The following PLD5 variants were observed in gnomAD, a reference collection of about 807,000 sequenced individuals.
The protein encoded by PLD5 is inactive phospholipase D5.
A neutral mutation model predicts 61.1 loss-of-function variants in PLD5; 36 were observed. The ratio of observed to expected loss-of-function variants is 0.59; its 90% CI spans 0.45 to 0.78. The LOEUF (loss-of-function observed/expected upper bound fraction) is 0.78. Ranked by LOEUF, PLD5 falls within the 30% of genes least tolerant of loss-of-function variation. PLD5 has a pLI of 0.00. For missense variants in PLD5, 515 were observed against 644.4 expected (o/e 0.80, Z 2.17); for synonymous variants, 243 against 242.8 (o/e 1.00, Z -0.01).
At chr1:242,138,009 A>G (rs1407603956) in intron 5 of PLD5, among the ~76,000 whole-genome samples, 1 of 152,234 alleles carries the variant, frequency 6.6e-6, no homozygotes, top group African/African-American at 2.4e-5. Context: ...TAGTTATAGC[A>G]CAGAAAGCAG....
chr1:242,504,921 C>T (rs1316931400), intron 1 of PLD5, among the ~76,000 whole-genome samples: 1 of 152,070 alleles, frequency 6.6e-6, no homozygotes, highest in Non-Finnish European at 1.5e-5. Flanking sequence ...TTTGGGAGGC[C>T]AGGGCAGGAG....
chr1:242,444,200 AC>A (rs1225555156), intron 1 of PLD5, among the ~76,000 whole-genome samples: 2 of 152,144 alleles, frequency 1.3e-5, no homozygotes, highest in Non-Finnish European at 2.9e-5. Flanking sequence ...TGCTCTTGAC[AC>A]CATCTTCAAG....
chr1:242,337,663 T>G (rs1310493399), intron 2 of PLD5, among the ~76,000 whole-genome samples: 1 of 152,174 alleles, frequency 6.6e-6, no homozygotes, highest in Non-Finnish European at 1.5e-5. Flanking sequence ...AATCATATAA[T>G]ACCTCACTTT....
At chr1:242,189,704 A>G (rs933085653) in intron 5 of PLD5, among the ~76,000 whole-genome samples, 9 of 152,198 alleles carry the variant, frequency 5.9e-5, no homozygotes, top group Non-Finnish European at 1.0e-4. Flanking sequence ...ATTAGGTAAT[A>G]TGGCAGAGAG....
At chr1:242,131,315 A>G (rs897352083) in intron 5 of PLD5, among the ~76,000 whole-genome samples, 3 of 152,094 alleles carry the variant, frequency 2.0e-5, no homozygotes, top group Admixed American at 6.5e-5. Flanking sequence ...AAAAAAAACA[A>G]CAGCAAAAAA....
intron 3 of PLD5, among the ~76,000 whole-genome samples, chr1:242,270,100 T>C (rs1673966198): frequency 1.3e-5 from 2 of 151,312 alleles, no homozygotes; most frequent in South Asian, 4.2e-4. Flanking sequence ...GAAACTTAAT[T>C]CTGAGGCTTA....
intron 5 of PLD5, among the ~76,000 whole-genome samples, chr1:242,167,417 G>A (rs142113305): frequency 9.7e-4 from 148 of 152,190 alleles, no homozygotes; most frequent in Admixed American, 2.0e-3. Context: ...TTATGAAACC[G>A]TCAGATCTCA....
chr1:242,403,010 A>G (rs1341850784), intron 1 of PLD5, among the ~76,000 whole-genome samples: 1 of 152,220 alleles, frequency 6.6e-6, no homozygotes, highest in Non-Finnish European at 1.5e-5. Flanking sequence ...GAACCTTGGA[A>G]ACCTCCTTCC....
At chr1:242,511,419 G>T (rs1668904146) in intron 1 of PLD5, among the ~76,000 whole-genome samples, 1 of 152,166 alleles carries the variant, frequency 6.6e-6, no homozygotes, top group African/African-American at 2.4e-5. Flanking sequence ...GGGAAAAATA[G>T]TAACTTTATA....
At chr1:242,336,847 T>C (rs1421936662) in intron 2 of PLD5, among the ~76,000 whole-genome samples, 2 of 152,212 alleles carry the variant, frequency 1.3e-5, no homozygotes, top group African/African-American at 4.8e-5. Context: ...AAATCTAAGA[T>C]GATGAGTTTT....
intron 4 of PLD5, among the ~76,000 whole-genome samples, chr1:242,241,690 G>A (rs1014606499): frequency 1.3e-4 from 19 of 151,636 alleles, no homozygotes; most frequent in Admixed American, 6.6e-4. Context: ...ATAAATGTGC[G>A]CAGGTTGGTG....
At chr1:242,429,165 T>C (rs1665584330) in intron 1 of PLD5, among the ~76,000 whole-genome samples, 1 of 152,192 alleles carries the variant, frequency 6.6e-6, no homozygotes, top group South Asian at 2.1e-4. Context: ...AAAGGAAAGC[T>C]TGATCTTGAA....
chr1:242,118,514 G>A, intron 6 of PLD5, among the ~76,000 whole-genome samples: 1 of 152,162 alleles, frequency 6.6e-6, no homozygotes, highest in East Asian at 1.9e-4. Context: ...GTGTATCTCT[G>A]GCATCTTGTG....
chr1:242,323,271 T>C (rs1048736375), intron 2 of PLD5, among the ~76,000 whole-genome samples: 1 of 152,194 alleles, frequency 6.6e-6, no homozygotes, highest in Non-Finnish European at 1.5e-5. Context: ...TTGTGATTAA[T>C]GGAAATATAA....
chr1:242,157,090 T>C (rs1256122078), intron 5 of PLD5, among the ~76,000 whole-genome samples: 1 of 152,192 alleles, frequency 6.6e-6, no homozygotes, highest in South Asian at 2.1e-4. Flanking sequence ...CTTCTAGCTT[T>C]ATTTCATTAA....
intron 1 of PLD5, among the ~76,000 whole-genome samples, chr1:242,394,997 G>GTATATATGAA (rs1553366892): frequency 1.0e-4 from 6 of 57,878 alleles, no homozygotes; most frequent in African/African-American, 3.2e-4. Context: ...GAATATATAT[G>GTATATATGAA]TATATATGAA....
At chr1:242,493,861 C>T (rs927741481) in intron 1 of PLD5, among the ~76,000 whole-genome samples, 5 of 152,142 alleles carry the variant, frequency 3.3e-5, no homozygotes, top group Non-Finnish European at 5.9e-5. Flanking sequence ...TATGCACAAC[C>T]GCTTTCTTTT....
rs533061841 is a variant in PLD5, at chr1:242,430,897, C to T, written c.190-82655G>A. Among the ~76,000 whole-genome samples the T allele has an allele frequency of 8.5e-5, 13 of 152,252 alleles. 1 individual carries two copies. The South Asian group carries it at 2.3e-3, about 27-fold the overall frequency. ...CACAAGCACCATGCCCCACGCCTGTCCTGCAGCGCCTCCTGAGTGAGCATC... is the reference window on the plus strand; with the variant it reads ...CACAAGCACCATGCCCCACGCCTGTTCTGCAGCGCCTCCTGAGTGAGCATC... On this transcript the variant is annotated intron_variant, in intron 1 of 9. Coordinates refer to ENST00000536534, the MANE Select transcript of PLD5 (RefSeq NM_001372062.1).
At chr1:242,495,632 G>T (rs750087450) in intron 1 of PLD5, among the ~76,000 whole-genome samples, 12 of 152,108 alleles carry the variant, frequency 7.9e-5, no homozygotes, top group Non-Finnish European at 1.5e-4. Flanking sequence ...AGTGGGTGAA[G>T]AATAAAAATG....
Sources: gnomAD v4.1 joint callset for allele counts (sites outside exome capture counted in the v4.1 genomes callset) on GRCh38, gnomAD v4.1.1 for gene constraint, MANE v1.5 for transcripts, NCBI Gene and HGNC (gene_info 2026-07-23, HGNC 2026-07-21) for gene names.